The following FNDC3B variants were observed in gnomAD, a reference collection of about 807,000 sequenced individuals.
The protein encoded by FNDC3B is fibronectin type III domain-containing protein 3B.
In FNDC3B, 12 loss-of-function variants were observed where a neutral mutation model predicts 151.5. The observed-to-expected ratio is 0.08, with a 90% CI of 0.05 to 0.13. The LOEUF (loss-of-function observed/expected upper bound fraction) is 0.13. Among genes scored for constraint, FNDC3B ranks in the 10% least tolerant of loss-of-function variants. The probability of loss-of-function intolerance (pLI) is 1.00; values close to 1 mark genes in which losing one functional copy is unlikely to be tolerated. For missense variants in FNDC3B, 1,214 were observed against 1,505.3 expected (o/e 0.81, Z 3.20); for synonymous variants, 528 against 549.0 (o/e 0.96, Z 0.54).
chr3:172,087,721 C>G (rs1718623024), intron 1 of FNDC3B, among the ~76,000 whole-genome samples: 1 of 152,074 alleles, frequency 6.6e-6, no homozygotes, highest in Non-Finnish European at 1.5e-5. Context: ...GAAATGAAAT[C>G]AAACCCTCAC....
chr3:172,102,548 C>T (rs1028512592), intron 1 of FNDC3B, among the ~76,000 whole-genome samples: 2 of 152,204 alleles, frequency 1.3e-5, no homozygotes, highest in Non-Finnish European at 1.5e-5. Flanking sequence ...AAGTCATGTA[C>T]TTAAGCAGCC....
At chr3:172,052,171 G>A (rs1293679539) in intron 1 of FNDC3B, among the ~76,000 whole-genome samples, 1 of 150,628 alleles carries the variant, frequency 6.6e-6, no homozygotes, top group Non-Finnish European at 1.5e-5. Flanking sequence ...TGCAGCCTCC[G>A]CCTCCTGGGC....
chr3:172,245,576 T>C (rs1159650657), intron 4 of FNDC3B, among the ~76,000 whole-genome samples: 1 of 152,232 alleles, frequency 6.6e-6, no homozygotes, highest in Non-Finnish European at 1.5e-5. Flanking sequence ...CTACATGTGC[T>C]ATTTATATAC....
chr3:172,333,158 A>G lies in FNDC3B; in HGVS notation c.1624A>G (p.Thr542Ala). ...TCTVKNLKRS[T>A]QYKFRLTASN... ...TACTGTGAAAAATCTCAAAAGAAGC[A>G]CACAGTATAAATTCAGGGTGAGTCA... The change falls in exon 14 of 26, where the codon ACA becomes GCA. Residue 542 changes from threonine to alanine, a missense_variant. Coordinates refer to ENST00000415807, the MANE Select transcript of FNDC3B (RefSeq NM_022763.4). The G allele has an allele frequency of 6.2e-7, 1 of 1,608,872 alleles. No homozygotes were observed. The highest frequency in any genetic ancestry group is 1.1e-5 in the South Asian group (1 of 90,962).
chr3:172,231,890 T>C (rs1468370097), intron 4 of FNDC3B, among the ~76,000 whole-genome samples: 1 of 148,754 alleles, frequency 6.7e-6, no homozygotes, highest in Non-Finnish European at 1.5e-5. Flanking sequence ...TTTTTTTTTT[T>C]TTTTTTTTGA....
chr3:172,334,327 C>CAAA (rs1486669263), intron 14 of FNDC3B, among the ~76,000 whole-genome samples: 1 of 134,938 alleles, frequency 7.4e-6, no homozygotes, highest in African/African-American at 2.6e-5. Context: ...GTCCCCCCCC[C>CAAA]CACCCCCATA....
intron 24 of FNDC3B, among the ~76,000 whole-genome samples, chr3:172,379,567 T>C (rs1735330604): frequency 6.6e-6 from 1 of 152,254 alleles, no homozygotes; most frequent in South Asian, 2.1e-4. Flanking sequence ...GGCAGACCCT[T>C]CTTTATGTGA....
chr3:172,230,503 C>CA (rs35745761), intron 4 of FNDC3B, among the ~76,000 whole-genome samples: 2,966 of 111,524 alleles, frequency 0.027, 39 homozygotes, highest in Non-Finnish European at 0.036. Context: ...GACTCTGTCT[C>CA]AAAAAAAAAA....
At chr3:172,370,910 C>T (rs1203579991) in intron 23 of FNDC3B, among the ~76,000 whole-genome samples, 1 of 152,234 alleles carries the variant, frequency 6.6e-6, no homozygotes, top group Non-Finnish European at 1.5e-5. Context: ...TCGTCCACCA[C>T]AGTGGGACAT....
chr3:172,059,952 C>T (rs1717109485), intron 1 of FNDC3B, among the ~76,000 whole-genome samples: 1 of 152,160 alleles, frequency 6.6e-6, no homozygotes, highest in Admixed American at 6.5e-5. Context: ...ACCAATTAGG[C>T]ATCTTTAGAT....
intron 1 of FNDC3B, among the ~76,000 whole-genome samples, chr3:172,110,976 G>C (rs972412175): frequency 2.6e-5 from 4 of 151,884 alleles, no homozygotes; most frequent in African/African-American, 7.3e-5. Context: ...GTGCGTGCCT[G>C]TAATCCCAGC....
intron 4 of FNDC3B, among the ~76,000 whole-genome samples, chr3:172,235,834 T>C (rs1478755936): frequency 6.6e-6 from 1 of 152,246 alleles, no homozygotes; most frequent in African/African-American, 2.4e-5. Context: ...GGGTTAAGTC[T>C]GGAAGACCCT....
intron 1 of FNDC3B, among the ~76,000 whole-genome samples, chr3:172,074,184 A>G (rs1226208849): frequency 6.6e-6 from 1 of 152,204 alleles, no homozygotes; most frequent in East Asian, 1.9e-4. Flanking sequence ...GGTCTTGATG[A>G]TGCTACATTA....
intron 1 of FNDC3B, among the ~76,000 whole-genome samples, chr3:172,078,422 T>G (rs1340442935): frequency 6.6e-6 from 1 of 152,262 alleles, no homozygotes; most frequent in African/African-American, 2.4e-5. Context: ...TTTTGTACTA[T>G]GGACCTGTAA....
chr3:172,286,079 G>A, intron 7 of FNDC3B, 95 bp downstream of exon 7: 1 of 875,640 alleles, frequency 1.1e-6, no homozygotes. Flanking sequence ...GTAAGGAAAA[G>A]GGCTCTTTCC....
intron 3 of FNDC3B, among the ~76,000 whole-genome samples, chr3:172,221,458 G>T (rs1295437535): frequency 4.9e-5 from 4 of 82,016 alleles, no homozygotes; most frequent in African/African-American, 1.5e-4. Flanking sequence ...CTGGGACCTT[G>T]TTAGAAATAC....
intron 3 of FNDC3B, among the ~76,000 whole-genome samples, chr3:172,175,587 G>C (rs983173112): frequency 6.6e-6 from 1 of 152,120 alleles, no homozygotes; most frequent in Non-Finnish European, 1.5e-5. Flanking sequence ...AATTTCTTGA[G>C]TTCTTTTTAT....
intron 4 of FNDC3B, among the ~76,000 whole-genome samples, chr3:172,228,683 T>C (rs1282231821): frequency 6.6e-6 from 1 of 152,100 alleles, no homozygotes; most frequent in Non-Finnish European, 1.5e-5. Context: ...GGCTGACAGG[T>C]ATGGCAGAAT....
intron 6 of FNDC3B, among the ~76,000 whole-genome samples, chr3:172,256,690 C>G (rs1176385808): frequency 6.6e-6 from 1 of 152,218 alleles, no homozygotes; most frequent in African/African-American, 2.4e-5. Flanking sequence ...AGTTTTCTAA[C>G]TGAAATCCTT....
Sources: gnomAD v4.1 joint callset for allele counts (sites outside exome capture counted in the v4.1 genomes callset) on GRCh38, gnomAD v4.1.1 for gene constraint, MANE v1.5 for transcripts, NCBI Gene and HGNC (gene_info 2026-07-23, HGNC 2026-07-21) for gene names.